Variants in UBASH3B observed in about 807,000 individuals in gnomAD.
The protein encoded by UBASH3B is ubiquitin-associated and SH3 domain-containing protein B.
In UBASH3B, 37 loss-of-function variants were observed where a neutral mutation model predicts 83.4. The observed-to-expected ratio is 0.44, with a 90% CI of 0.34 to 0.58. The LOEUF (loss-of-function observed/expected upper bound fraction) is 0.58. UBASH3B is among the 20% of genes least tolerant of loss of function. The pLI is 0.01. For synonymous variants in UBASH3B, 304 were observed against 318.3 expected (o/e 0.96, Z 0.48); for missense variants, 657 against 827.2 (o/e 0.79, Z 2.52).
chr11:122,656,314 G>C (rs1016978288), intron 1 of UBASH3B, 104 bp downstream of exon 1: 5 of 1,160,122 alleles, frequency 4.3e-6, no homozygotes, highest in Non-Finnish European at 5.5e-6. Context: ...CAGGCAGCGC[G>C]CTCCCCGCTG....
At chr11:122,664,889 C>A (rs1863493144) in intron 1 of UBASH3B, among the ~76,000 whole-genome samples, 1 of 152,242 alleles carries the variant, frequency 6.6e-6, no homozygotes, top group Non-Finnish European at 1.5e-5. Context: ...TGCACGTTCT[C>A]CACAGTGACC....
At chr11:122,684,763 A>G (rs1307870359) in intron 1 of UBASH3B, among the ~76,000 whole-genome samples, 1 of 152,060 alleles carries the variant, frequency 6.6e-6, no homozygotes, top group Non-Finnish European at 1.5e-5. Flanking sequence ...ACGCCCAGCT[A>G]ATTTTTGTAT....
At chr11:122,719,650 C>T (rs1385313841) in intron 1 of UBASH3B, among the ~76,000 whole-genome samples, 3 of 152,166 alleles carry the variant, frequency 2.0e-5, no homozygotes, top group Non-Finnish European at 4.4e-5. Flanking sequence ...CTTGCAAAAC[C>T]TAAAGTGTTA....
chr11:122,731,292 TG>T (rs1464501105), intron 1 of UBASH3B, among the ~76,000 whole-genome samples: 1 of 152,240 alleles, frequency 6.6e-6, no homozygotes, highest in African/African-American at 2.4e-5. Flanking sequence ...GGATGGAAGA[TG>T]AGTTTTTACT....
intron 1 of UBASH3B, among the ~76,000 whole-genome samples, chr11:122,739,061 C>T (rs572812181): frequency 2.5e-4 from 38 of 152,142 alleles, no homozygotes; most frequent in Admixed American, 5.2e-4. Context: ...TGTGGTGGCA[C>T]GATCACGGCT....
At position 122,798,929 on chromosome 11, in the gene UBASH3B, G is replaced by C. The variant is rs187209110; in HGVS notation, c.1358-13G>C. ...AATCCATCAGACTGATTTTTTTGTG[G>C]TTTTCTTTGCAGGTGAAGCCTTATT... On this transcript the variant is annotated splice_polypyrimidine_tract_variant and intron_variant, in intron 9 of 13. Transcript: ENST00000284273. 223 of 1,612,388 alleles carry C rather than the reference G, an allele frequency of 1.4e-4. No homozygotes were observed. The African/African-American group carries it at 2.4e-3, about 17-fold the overall frequency.
intron 1 of UBASH3B, chr11:122,726,391 C>T (rs1272891717): frequency 4.1e-5 from 6 of 147,880 alleles, no homozygotes; most frequent in African/African-American, 7.7e-5. Context: ...GCTTTATCAC[C>T]CAGGCTAGAG....
rs1194841141 is a variant in UBASH3B at position 122,813,937 on chromosome 11, T to C, written c.*4051T>C. On this transcript the variant is annotated 3_prime_UTR_variant, in exon 14 of 14. Coordinates refer to ENST00000284273, the MANE Select transcript of UBASH3B (RefSeq NM_032873.5). Reference sequence around the variant, plus strand: ...TAAGTACAAATAATAGTAGGATTGGTGTATGTAGGTTTAAAATTATAGTGA... The same window carrying C: ...TAAGTACAAATAATAGTAGGATTGGCGTATGTAGGTTTAAAATTATAGTGA... 1 of 152,200 alleles carries C rather than the reference T, an allele frequency of 6.6e-6. No homozygotes were observed. The highest frequency in any genetic ancestry group is 1.9e-4 in the East Asian group (1 of 5,202). 9.4% of individuals were successfully genotyped at this position (152,200 alleles called of 1,614,324 possible).
At chr11:122,715,806 G>A (rs751113374) in intron 1 of UBASH3B, among the ~76,000 whole-genome samples, 6 of 152,212 alleles carry the variant, frequency 3.9e-5, no homozygotes, top group Non-Finnish European at 7.3e-5. Context: ...TAACCACAAA[G>A]AGAGAGGTCT....
At chr11:122,693,126 C>A (rs1023302334) in intron 1 of UBASH3B, among the ~76,000 whole-genome samples, 27 of 152,098 alleles carry the variant, frequency 1.8e-4, no homozygotes, top group African/African-American at 6.5e-4. Context: ...TGACAAAGAA[C>A]CTTCTCAAGG....
At chr11:122,752,184 A>G (rs774073059) in intron 1 of UBASH3B, among the ~76,000 whole-genome samples, 1 of 151,980 alleles carries the variant, frequency 6.6e-6, no homozygotes, top group Non-Finnish European at 1.5e-5. Context: ...ATCTAACCCC[A>G]GGCCTTCAGG....
At chr11:122,781,335 C>T (rs1565563029) in intron 4 of UBASH3B, among the ~76,000 whole-genome samples, 1 of 152,206 alleles carries the variant, frequency 6.6e-6, no homozygotes, top group Non-Finnish European at 1.5e-5. Flanking sequence ...ATGGCTTTCT[C>T]TCATCCCACA....
chr11:122,801,151 G>A, intron 10 of UBASH3B, 37 bp from the exon 11 acceptor site: 1 of 1,606,894 alleles, frequency 6.2e-7, no homozygotes. Context: ...AGAATCCACA[G>A]GCACTTTCTT....
In UBASH3B at chr11:122,688,205, C is replaced by T. The variant is rs567283731; in HGVS notation, c.161+31995C>T. Among the ~76,000 whole-genome samples the T allele has an allele frequency of 2.2e-4, 34 of 152,114 alleles. 1 individual carries two copies. Among genetic ancestry groups the T allele is most frequent in the Admixed American group, 6.6e-4 (10 of 15,260 alleles). ...AAGCACTTCCTCAGGATCCAGACAC[C>T]GAGAGGGATGGGAGTTTGCCTTTCT... On this transcript the variant is annotated intron_variant, in intron 1 of 13. Transcript: ENST00000284273.
chr11:122,763,425 C>T (rs1860480350), intron 1 of UBASH3B, among the ~76,000 whole-genome samples: 1 of 152,348 alleles, frequency 6.6e-6, no homozygotes, highest in East Asian at 1.9e-4. Flanking sequence ...GGCTGCCTAA[C>T]AGCCTCTTTA....
chr11:122,809,353 G>T (rs1861398929), intron 13 of UBASH3B, among the ~76,000 whole-genome samples: 1 of 152,212 alleles, frequency 6.6e-6, no homozygotes, highest in South Asian at 2.1e-4. Context: ...GGGATTACAG[G>T]CGTGAGCCAC....
At chr11:122,684,970 A>C (rs1863791221) in intron 1 of UBASH3B, among the ~76,000 whole-genome samples, 1 of 152,176 alleles carries the variant, frequency 6.6e-6, no homozygotes, top group Non-Finnish European at 1.5e-5. Flanking sequence ...ATAACTGATA[A>C]ATCATTTGTC....
At chr11:122,683,611 A>AT (rs761200905) in intron 1 of UBASH3B, among the ~76,000 whole-genome samples, 2 of 148,554 alleles carry the variant, frequency 1.3e-5, no homozygotes, top group African/African-American at 4.9e-5. Flanking sequence ...TCTCAAAAAA[A>AT]AAAAAAAATA....
intron 1 of UBASH3B, among the ~76,000 whole-genome samples, chr11:122,774,654 G>A (rs1475749820): frequency 6.6e-6 from 1 of 152,162 alleles, no homozygotes; most frequent in East Asian, 1.9e-4. Flanking sequence ...CAGAGTGTCA[G>A]TGTAACTTGG....
Sources: gnomAD v4.1 joint callset for allele counts (sites outside exome capture counted in the v4.1 genomes callset) on GRCh38, gnomAD v4.1.1 for gene constraint, MANE v1.5 for transcripts, NCBI Gene and HGNC (gene_info 2026-07-23, HGNC 2026-07-21) for gene names.